PCDHAC2: variants seen among roughly 807,000 people sequenced by gnomAD.
PCDHAC2 encodes the protein protocadherin alpha subfamily C, 2.
PCDHAC2 carries 24 observed loss-of-function variants against 63.3 expected under a neutral mutation model. That is an observed-to-expected ratio of 0.38 (90% CI 0.27 to 0.53). PCDHAC2 has a LOEUF of 0.53. Ranked by LOEUF, PCDHAC2 falls within the 20% of genes least tolerant of loss-of-function variation. The probability of loss-of-function intolerance (pLI) is 0.81; values close to 1 mark genes in which losing one functional copy is unlikely to be tolerated. For missense variants in PCDHAC2, 1,181 were observed against 1,275.2 expected, an observed-to-expected ratio of 0.93 and a Z score of 1.12; for synonymous variants, 569 against 529.4, an observed-to-expected ratio of 1.07 and a Z score of -1.03.
rs2098419434 is a variant in PCDHAC2, at chr5:141,011,100, CT to C, written c.*1164del. ...AAATGATCTCTCTTTCTCTCTCTCT[CT>C]CTCTTTTCTAAGAAACAATTATGTG... On this transcript the variant is annotated 3_prime_UTR_variant, in exon 4 of 4. Coordinates refer to ENST00000289269, the MANE Select transcript of PCDHAC2 (RefSeq NM_018899.6). The C allele has an allele frequency of 1.3e-5, 2 of 153,772 alleles. No individual in the cohort carries two copies. Among genetic ancestry groups the C allele is most frequent in the Admixed American group, 6.5e-5 (1 of 15,290 alleles). The allele number at this position is 153,772 out of a possible 1,614,324, so 9.5% of individuals were successfully genotyped here.
At chr5:140,996,968 C>G (rs1290343779) in intron 3 of PCDHAC2, among the ~76,000 whole-genome samples, 1 of 152,132 alleles carries the variant, frequency 6.6e-6, no homozygotes, top group Non-Finnish European at 1.5e-5. Context: ...CAATCCCACT[C>G]CCCTTTGGTG....
At chr5:140,972,783 C>T (rs1437997582) in intron 1 of PCDHAC2, among the ~76,000 whole-genome samples, 2 of 151,768 alleles carry the variant, frequency 1.3e-5, no homozygotes, top group African/African-American at 4.8e-5. Context: ...TCTGCCTCAG[C>T]CTCCTGAGTA....
chr5:141,000,395 C>CTCTCTA (rs1213762225), intron 3 of PCDHAC2, among the ~76,000 whole-genome samples: 5 of 53,980 alleles, frequency 9.3e-5, no homozygotes, highest in East Asian at 6.1e-4. Flanking sequence ...CTCTCTCTCT[C>CTCTCTA]TATATATATA....
chr5:140,991,003 A>C (rs1228444549), intron 3 of PCDHAC2, among the ~76,000 whole-genome samples: 1 of 152,190 alleles, frequency 6.6e-6, no homozygotes, highest in East Asian at 1.9e-4. Flanking sequence ...ATTTATTGAG[A>C]ACTGTGATAA....
intron 2 of PCDHAC2, among the ~76,000 whole-genome samples, chr5:140,979,316 G>A (rs782153299): frequency 2.0e-5 from 3 of 151,950 alleles, no homozygotes; most frequent in Non-Finnish European, 4.4e-5. Context: ...CTCTACCTAT[G>A]CTTTCTTTTC....
chr5:141,002,234 C>G (rs2098067276), intron 3 of PCDHAC2, among the ~76,000 whole-genome samples: 1 of 152,210 alleles, frequency 6.6e-6, no homozygotes, highest in Non-Finnish European at 1.5e-5. Context: ...TTTCTGGAAG[C>G]TCTTTATTAA....
chr5:140,992,414 G>T (rs868994021), intron 3 of PCDHAC2, among the ~76,000 whole-genome samples: 1 of 152,128 alleles, frequency 6.6e-6, no homozygotes, highest in African/African-American at 2.4e-5. Flanking sequence ...TCTGCCCCAG[G>T]TCTAAGAATA....
At chr5:140,994,657 A>G (rs2097643468) in intron 3 of PCDHAC2, among the ~76,000 whole-genome samples, 1 of 152,166 alleles carries the variant, frequency 6.6e-6, no homozygotes, top group Non-Finnish European at 1.5e-5. Flanking sequence ...GTGAGCTGAG[A>G]TCACACTACT....
At chr5:141,007,395 C>CAAAAAA (rs35800918) in intron 3 of PCDHAC2, among the ~76,000 whole-genome samples, 36 of 94,826 alleles carry the variant, frequency 3.8e-4, no homozygotes, top group African/African-American at 6.0e-4. Context: ...TACTAAAATA[C>CAAAAAA]AAAAAAAAAA....
At position 140,979,015 on chromosome 5, in the gene PCDHAC2, T is replaced by C. The variant is rs782169362; in HGVS notation, c.2624+8T>C. ...GAGAGCAGGCATGCACAGGTATGTATTTCCCTCCTCATTCACTCAGAAGTA... is the reference window on the plus strand; with the variant it reads ...GAGAGCAGGCATGCACAGGTATGTACTTCCCTCCTCATTCACTCAGAAGTA... On this transcript the variant is annotated splice_region_variant and intron_variant, in intron 2 of 3. Coordinates refer to ENST00000289269, the MANE Select transcript of PCDHAC2 (RefSeq NM_018899.6). 1 of 1,613,802 alleles carries C rather than the reference T, an allele frequency of 6.2e-7. No individual in the cohort carries two copies. Among genetic ancestry groups the C allele is most frequent in the Non-Finnish European group, 8.5e-7 (1 of 1,179,916 alleles).
At chr5:140,970,316 A>G (rs547261671) in intron 1 of PCDHAC2, among the ~76,000 whole-genome samples, 1 of 152,342 alleles carries the variant, frequency 6.6e-6, no homozygotes, top group African/African-American at 2.4e-5. Flanking sequence ...GTTAAATGAC[A>G]GTACTTCCAA....
intron 3 of PCDHAC2, among the ~76,000 whole-genome samples, chr5:140,986,799 CTTAG>C (rs782752084): frequency 3.9e-5 from 6 of 152,154 alleles, no homozygotes; most frequent in South Asian, 4.1e-4. Context: ...GGCAGTGAGT[CTTAG>C]TTAGAGAACT....
rs1329189325 is a variant in PCDHAC2, at chr5:141,010,310, G to C, written c.*373G>C. The C allele has an allele frequency of 6.5e-7, 1 of 1,547,658 alleles. No individual in the cohort carries two copies. The highest frequency in any genetic ancestry group is 8.7e-7 in the Non-Finnish European group (1 of 1,145,866). ...CTTGCAGGGCAGGCTGAAAAGTTTT[G>C]AGATTGAGCAGCTTGGGAGTTTGTG... On this transcript the variant is annotated 3_prime_UTR_variant, in exon 4 of 4. Coordinates refer to ENST00000289269, the MANE Select transcript of PCDHAC2 (RefSeq NM_018899.6).
chr5:141,008,400 T>A (rs1347375750), intron 3 of PCDHAC2, among the ~76,000 whole-genome samples: 3 of 152,082 alleles, frequency 2.0e-5, no homozygotes, highest in African/African-American at 7.2e-5. Context: ...GATGTCAGAG[T>A]TCCAATGTCA....
chr5:140,982,611 T>G, intron 3 of PCDHAC2, 48 bp downstream of exon 3: 2 of 1,600,048 alleles, frequency 1.2e-6, no homozygotes, highest in South Asian at 2.2e-5. Flanking sequence ...TGGAAAGTGA[T>G]CAGATGACCT....
chr5:140,968,474 G>A lies in PCDHAC2; in HGVS notation c.1708G>A (p.Val570Met), dbSNP rs1394773296. ...SSTVTANVYV[V>M]DMNDHAPHIL... The stretch of plus-strand genomic sequence containing the variant: ...CACTGTGACTGCCAACGTATATGTG[G>A]TGGACATGAATGACCATGCCCCTCA... The change falls in exon 1 of 4, where the codon GTG becomes ATG. Residue 570 changes from valine to methionine, a missense_variant. Physicochemically the swap from Val to Met is conservative, Grantham distance 21. Coordinates refer to ENST00000289269, the MANE Select transcript of PCDHAC2 (RefSeq NM_018899.6). 1.2e-6 allele frequency: 2 copies of A among 1,614,110 alleles called. No homozygotes were observed. The highest frequency in any genetic ancestry group is 1.7e-6 in the Non-Finnish European group (2 of 1,180,018).
chr5:141,009,944 C>T lies in PCDHAC2; in HGVS notation c.*7C>T. On this transcript the variant is annotated 3_prime_UTR_variant, in exon 4 of 4. Coordinates refer to ENST00000289269, the MANE Select transcript of PCDHAC2 (RefSeq NM_018899.6). Reference sequence around the variant, plus strand: ...TGACAACAGTGACCAGTGAGGTCCTCAAATGGAAACAAGCCACTTAGCCAG... The same window carrying T: ...TGACAACAGTGACCAGTGAGGTCCTTAAATGGAAACAAGCCACTTAGCCAG... The T allele has an allele frequency of 6.3e-7, 1 of 1,595,754 alleles. No individual in the cohort carries two copies. The highest frequency in any genetic ancestry group is 1.1e-5 in the South Asian group (1 of 87,514).
At chr5:141,008,784 A>G (rs541946217) in intron 3 of PCDHAC2, among the ~76,000 whole-genome samples, 2 of 152,320 alleles carry the variant, frequency 1.3e-5, no homozygotes, top group East Asian at 3.9e-4. Flanking sequence ...ATTGGCTCCC[A>G]GTGTTTTATC....
chr5:140,986,373 G>A (rs376031401), intron 3 of PCDHAC2, among the ~76,000 whole-genome samples: 26 of 152,280 alleles, frequency 1.7e-4, no homozygotes, highest in South Asian at 4.1e-4. Context: ...TGCGTTTTGG[G>A]GGGAGGGACA....
Sources: allele counts gnomAD v4.1 joint callset (sites outside exome capture counted in the v4.1 genomes callset), GRCh38; gene constraint gnomAD v4.1.1; transcripts MANE v1.5; gene names NCBI Gene and HGNC (gene_info 2026-07-23, HGNC 2026-07-21).